Variants in PYY observed in about 807,000 individuals in gnomAD.
PYY encodes the protein peptide tyrosine tyrosine.
PYY carries 12 observed loss-of-function variants against 10.3 expected under a neutral mutation model. That is an observed-to-expected ratio of 1.17 (90% CI 0.75 to 1.89). The LOEUF is 1.89. Among genes scored for constraint, PYY ranks in the 40% most tolerant of loss-of-function variants. PYY has a pLI of 0.00. For missense variants in PYY, 141 were observed against 134.0 expected (o/e 1.05, Z -0.26); for synonymous variants, 66 against 62.0 (o/e 1.06, Z -0.30).
chr17:43,961,708 G>A (rs975268693), intron 2 of PYY, among the ~76,000 whole-genome samples: 1 of 151,964 alleles, frequency 6.6e-6, no homozygotes, highest in Non-Finnish European at 1.5e-5. Flanking sequence ...ACCCGGCTAA[G>A]TTTTGTATTT....
At chr17:43,996,021 T>G (rs1027317172) in intron 1 of PYY, among the ~76,000 whole-genome samples, 1 of 151,926 alleles carries the variant, frequency 6.6e-6, no homozygotes, top group Non-Finnish European at 1.5e-5. Context: ...TATATATATA[T>G]ATGAAAGAAA....
chr17:43,971,976 T>C (rs192669747), intron 1 of PYY, among the ~76,000 whole-genome samples: 165 of 152,034 alleles, frequency 1.1e-3, no homozygotes, highest in African/African-American at 3.7e-3. Context: ...TCTCTAAAGT[T>C]TTATTATTTT....
chr17:43,965,089 A>G (rs182973050), intron 2 of PYY, among the ~76,000 whole-genome samples: 3 of 152,352 alleles, frequency 2.0e-5, no homozygotes, highest in African/African-American at 7.2e-5. Flanking sequence ...ACCAATAGCA[A>G]TGAACATCCT....
chr17:43,956,420 C>T (rs924665316), upstream of PYY, among the ~76,000 whole-genome samples: 3 of 151,530 alleles, frequency 2.0e-5, no homozygotes, highest in Non-Finnish European at 4.4e-5. Flanking sequence ...GCTCAGCCAC[C>T]CCCCGATCCA....
chr17:43,972,472 T>C (rs1440843168), intron 1 of PYY, among the ~76,000 whole-genome samples: 2 of 151,886 alleles, frequency 1.3e-5, no homozygotes, highest in Non-Finnish European at 2.9e-5. Context: ...TGCCTCAGCC[T>C]CCCAAAGCAC....
chr17:43,958,778 T>TG (rs1192879752), upstream of PYY, among the ~76,000 whole-genome samples: 2 of 152,252 alleles, frequency 1.3e-5, no homozygotes, highest in African/African-American at 4.8e-5. Context: ...CAGCTACCTC[T>TG]GGGTTGAGTT....
intron 1 of PYY, among the ~76,000 whole-genome samples, chr17:43,994,384 C>A (rs1212407809): frequency 6.6e-6 from 1 of 152,110 alleles, no homozygotes; most frequent in Non-Finnish European, 1.5e-5. Context: ...TTACCCTTCC[C>A]CTGCCCCACT....
chr17:43,955,623 A>C (rs1488341703), upstream of PYY, among the ~76,000 whole-genome samples: 1 of 152,096 alleles, frequency 6.6e-6, no homozygotes, highest in African/African-American at 2.4e-5. Flanking sequence ...GGGAGCCCTC[A>C]TCCAGGGGGC....
At chr17:44,003,280 G>A (rs959921612) in intron 1 of PYY, among the ~76,000 whole-genome samples, 1 of 151,332 alleles carries the variant, frequency 6.6e-6, no homozygotes, top group Non-Finnish European at 1.5e-5. Context: ...TGACCCACCC[G>A]CCTCCTCACT....
At position 43,975,725 on chromosome 17, in the gene PYY, A is replaced by T. The variant is rs868720414; in HGVS notation, c.-462-9193T>A. 4.0e-3 allele frequency among the ~76,000 whole-genome samples: 332 copies of T among 83,738 alleles called. 50 individuals carry two copies. Among genetic ancestry groups the T allele is most frequent in the Middle Eastern group, 0.015 (3 of 196 alleles). The allele number at this position is 83,738 out of a possible 152,430, so 54.9% of individuals were successfully genotyped here. ...CAGGAGTAAGACCCTGAAAAAAAAAAATATATATATATATATATATACACA... is the reference window on the plus strand; with the variant it reads ...CAGGAGTAAGACCCTGAAAAAAAAATATATATATATATATATATATACACA... On this transcript the variant is annotated intron_variant, in intron 1 of 6. Coordinates refer to the PYY transcript ENST00000360085.
intron 2 of PYY, among the ~76,000 whole-genome samples, chr17:43,960,843 C>A (rs1289504044): frequency 1.7e-5 from 2 of 116,436 alleles, no homozygotes; most frequent in Non-Finnish European, 4.0e-5. Context: ...GAGTAAGACT[C>A]CGTCGCAAAA....
intron 1 of PYY, among the ~76,000 whole-genome samples, chr17:43,974,937 G>A (rs144859071): frequency 3.0e-4 from 45 of 152,244 alleles, no homozygotes; most frequent in African/African-American, 1.1e-3. Flanking sequence ...CAACAGAGTA[G>A]GACAAAGGAC....
At chr17:43,981,271 G>A (rs2048882154) in intron 1 of PYY, among the ~76,000 whole-genome samples, 1 of 152,126 alleles carries the variant, frequency 6.6e-6, no homozygotes, top group East Asian at 1.9e-4. Flanking sequence ...GTGTGTATGT[G>A]TTGCACTTTA....
intron 1 of PYY, among the ~76,000 whole-genome samples, chr17:43,969,184 A>C (rs1171843289): frequency 1.3e-5 from 2 of 152,008 alleles, no homozygotes; most frequent in Non-Finnish European, 2.9e-5. Flanking sequence ...ATCAGGTGGG[A>C]TTTATCCTGA....
intron 1 of PYY, among the ~76,000 whole-genome samples, chr17:43,999,115 T>A: frequency 1.3e-5 from 2 of 148,896 alleles, no homozygotes; most frequent in African/African-American, 2.5e-5. Flanking sequence ...AGGAAGGGAG[T>A]GTGAGGAAGA....
chr17:43,970,368 G>A (rs950072794), intron 1 of PYY, among the ~76,000 whole-genome samples: 5 of 151,886 alleles, frequency 3.3e-5, no homozygotes, highest in Non-Finnish European at 5.9e-5. Flanking sequence ...ATTCCTGGGC[G>A]TGGTGGCACA....
upstream of PYY, among the ~76,000 whole-genome samples, chr17:43,958,569 G>A (rs1190082941): frequency 1.3e-5 from 2 of 152,102 alleles, no homozygotes; most frequent in Non-Finnish European, 2.9e-5. Context: ...TAGTAGAGAT[G>A]GGGTTTCACC....
chr17:43,965,691 G>A (rs1346134374), intron 2 of PYY, among the ~76,000 whole-genome samples: 1 of 140,886 alleles, frequency 7.1e-6, no homozygotes, highest in Non-Finnish European at 1.5e-5. Context: ...GGAAGGTTGA[G>A]ACAGGAAAAT....
intron 1 of PYY, among the ~76,000 whole-genome samples, chr17:43,993,816 C>T (rs1485143915): frequency 6.6e-6 from 1 of 151,888 alleles, no homozygotes; most frequent in Non-Finnish European, 1.5e-5. Flanking sequence ...TTGGTAACTT[C>T]TCTAAGTTAC....
Sources: gnomAD v4.1 joint callset for allele counts (sites outside exome capture counted in the v4.1 genomes callset) on GRCh38, gnomAD v4.1.1 for gene constraint, MANE v1.5 for transcripts, NCBI Gene and HGNC (gene_info 2026-07-23, HGNC 2026-07-21) for gene names.